Variants in GMPS observed in about 807,000 individuals in gnomAD.
GMPS encodes the protein guanosine monophosphate synthase, also known as GMP synthase [glutamine-hydrolyzing].
GMPS carries 15 observed loss-of-function variants against 77.9 expected under a neutral mutation model. The ratio of observed to expected loss-of-function variants is 0.19; its 90% CI spans 0.13 to 0.30. The LOEUF is 0.30. Among genes scored for constraint, GMPS ranks in the 10% least tolerant of loss-of-function variants. The pLI is 1.00. For synonymous variants in GMPS, 224 were observed against 275.9 expected, an observed-to-expected ratio of 0.81 and a Z score of 1.86; for missense variants, 590 against 838.8, an observed-to-expected ratio of 0.70 and a Z score of 3.66.
At chr3:155,884,600 T>A (rs1754287078) in intron 1 of GMPS, among the ~76,000 whole-genome samples, 1 of 152,090 alleles carries the variant, frequency 6.6e-6, no homozygotes, top group African/African-American at 2.4e-5. Flanking sequence ...GGTTAAAAAA[T>A]CAGATTAGAA....
In GMPS at chr3:155,937,817, A is replaced by G; in HGVS notation, c.*125A>G. Reference sequence around the variant, plus strand: ...GCTACATCACATCTGAGTTCTCCACAGCAAAAATCTACGGCTTAAGAGCTG... The same window carrying G: ...GCTACATCACATCTGAGTTCTCCACGGCAAAAATCTACGGCTTAAGAGCTG... On this transcript the variant is annotated 3_prime_UTR_variant, in exon 16 of 16. Coordinates refer to ENST00000496455, the MANE Select transcript of GMPS (RefSeq NM_003875.3). 3.3e-6 allele frequency: 2 copies of G among 603,548 alleles called. No homozygotes were observed. The highest frequency in any genetic ancestry group is 5.5e-5 in the East Asian group (2 of 36,224). 37.4% of individuals were successfully genotyped at this position (603,548 alleles called of 1,614,324 possible).
In GMPS at chr3:155,940,935, T is replaced by C. The variant is rs561854688; in HGVS notation, c.*3243T>C. On this transcript the variant is annotated 3_prime_UTR_variant, in exon 16 of 16. Coordinates refer to ENST00000496455, the MANE Select transcript of GMPS (RefSeq NM_003875.3). Reference sequence around the variant, plus strand: ...AAGTTTTCCTGGTAGGAATCTCTCTTTACTGCGTGTTTTTTTGAAAAGCTG... The same window carrying C: ...AAGTTTTCCTGGTAGGAATCTCTCTCTACTGCGTGTTTTTTTGAAAAGCTG... 11 of 210,858 alleles carry C rather than the reference T, an allele frequency of 5.2e-5. No homozygotes were observed. Among genetic ancestry groups the C allele is most frequent in the Non-Finnish European group, 9.6e-5 (10 of 103,894 alleles). 13.1% of individuals were successfully genotyped at this position (210,858 alleles called of 1,614,324 possible).
intron 11 of GMPS, 119 bp downstream of exon 11, chr3:155,922,421 G>C: frequency 2.0e-6 from 1 of 498,278 alleles, no homozygotes; most frequent in East Asian, 3.5e-5. Context: ...TATAACCTTT[G>C]AAATGACTGT....
chr3:155,919,399 C>CA (rs1577527076), intron 10 of GMPS, 61 bp downstream of exon 10: 1 of 743,248 alleles, frequency 1.3e-6, no homozygotes, highest in East Asian at 2.7e-5. Context: ...GAAGAAAAAT[C>CA]AATTCAGACA....
chr3:155,934,982 A>C lies in GMPS; in HGVS notation c.1743A>C (p.Thr581=). The C allele has an allele frequency of 1.3e-6, 2 of 1,597,720 alleles. No homozygotes were observed. Among genetic ancestry groups the C allele is most frequent in the Non-Finnish European group, 1.7e-6 (2 of 1,165,066 alleles). Residue 581 remains threonine (T), a synonymous_variant, in exon 14 of 16, where the codon ACA becomes ACC. Coordinates refer to ENST00000496455, the MANE Select transcript of GMPS (RefSeq NM_003875.3). Reference sequence around the variant, plus strand: ...CAGATGTTACTCCCACTTTCTTGACAACAGGGGTGCTCAGTACTTTACGCC... The same window carrying C: ...CAGATGTTACTCCCACTTTCTTGACCACAGGGGTGCTCAGTACTTTACGCC... ...PPTDVTPTFL[T]TGVLSTLRQA...
chr3:155,891,135 T>C (rs1754452276), intron 1 of GMPS, among the ~76,000 whole-genome samples: 1 of 152,248 alleles, frequency 6.6e-6, no homozygotes, highest in Non-Finnish European at 1.5e-5. Context: ...CTCACAGTAA[T>C]GTATGATAAC....
chr3:155,880,328 C>G (rs900849890), intron 1 of GMPS, among the ~76,000 whole-genome samples: 14 of 152,036 alleles, frequency 9.2e-5, no homozygotes, highest in African/African-American at 3.4e-4. Flanking sequence ...GATTGTTGGC[C>G]TTGTTATTGA....
chr3:155,871,775 C>T (rs1753912371), intron 1 of GMPS, among the ~76,000 whole-genome samples: 1 of 152,230 alleles, frequency 6.6e-6, no homozygotes. Context: ...GGAAAAGTTG[C>T]CGCCTTGACG....
At chr3:155,935,202 C>T (rs1025275798) in intron 14 of GMPS, among the ~76,000 whole-genome samples, 156 bp downstream of exon 14, 10 of 151,932 alleles carry the variant, frequency 6.6e-5, no homozygotes, top group East Asian at 1.9e-4. Context: ...TTTCTTGAGA[C>T]GGAGTCTGTC....
At position 155,927,788 on chromosome 3, in the gene GMPS, T is replaced by G. The variant is rs577259054; in HGVS notation, c.1560+2422T>G. On this transcript the variant is annotated intron_variant, in intron 12 of 15. Coordinates refer to ENST00000496455, the MANE Select transcript of GMPS (RefSeq NM_003875.3). ...AGAAAATAAAAGAGGGGATTTGGGGTACACATTGTCAACTTTTTTCTTTTA... is the reference window on the plus strand; with the variant it reads ...AGAAAATAAAAGAGGGGATTTGGGGGACACATTGTCAACTTTTTTCTTTTA... Among the ~76,000 whole-genome samples, 130 of 152,276 alleles carry G rather than the reference T, an allele frequency of 8.5e-4. 1 individual carries two copies. The highest frequency in any genetic ancestry group is 1.0e-3 in the Non-Finnish European group (71 of 68,018).
chr3:155,936,471 T>G lies in GMPS; in HGVS notation c.1941T>G (p.Thr647=). ...IRTFITSDFM[T]GIPATPGNEI... ...CCTTTATTACTAGTGACTTCATGAC[T>G]GGTATACCTGCAACACCTGGCAATG... The change falls in exon 15 of 16, where the codon ACT becomes ACG. Residue 647 remains threonine, a synonymous_variant. Transcript: ENST00000496455. The G allele has an allele frequency of 6.2e-7, 1 of 1,608,350 alleles. No individual in the cohort carries two copies. The highest frequency in any genetic ancestry group is 8.5e-7 in the Non-Finnish European group (1 of 1,174,750).
Position 155,943,355 on chromosome 3 carries a change from A to G in GMPS, c.*5663A>G, listed in dbSNP as rs1174127792. 5.5e-6 allele frequency: 1 copy of G among 181,374 alleles called. No individual in the cohort carries two copies. Among genetic ancestry groups the G allele is most frequent in the Admixed American group, 6.3e-5 (1 of 15,938 alleles). The allele number at this position is 181,374 out of a possible 1,614,324, so 11.2% of individuals were successfully genotyped here. ...TTGGCTATTGAGTATATTAAGTACA[A>G]CTACAAAATCCTCTGAGTTCTCCAG... On this transcript the variant is annotated 3_prime_UTR_variant, in exon 16 of 16. Transcript: ENST00000496455.
intron 7 of GMPS, among the ~76,000 whole-genome samples, chr3:155,913,629 C>A (rs1036921585): frequency 4.6e-5 from 7 of 151,282 alleles, no homozygotes; most frequent in African/African-American, 1.7e-4. Flanking sequence ...TTAAGCAATT[C>A]TCTTGCCTCA....
intron 6 of GMPS, 28 bp from the exon 7 acceptor site, chr3:155,911,086 C>T: frequency 6.5e-7 from 1 of 1,546,530 alleles, no homozygotes; most frequent in Non-Finnish European, 8.8e-7. Flanking sequence ...TTGTTTTGCT[C>T]ATTTTGATTT....
At chr3:155,877,642 A>G (rs1179070911) in intron 1 of GMPS, among the ~76,000 whole-genome samples, 1 of 152,108 alleles carries the variant, frequency 6.6e-6, no homozygotes. Context: ...GCTAAAACAA[A>G]ATACCAGAAA....
upstream of GMPS, chr3:155,870,608 T>G: frequency 2.2e-6 from 1 of 445,728 alleles, no homozygotes; most frequent in Admixed American, 4.5e-5. Context: ...GGGCTCTGGC[T>G]CCTCCCAGTG....
In GMPS at chr3:155,940,101, T is replaced by G. The variant is rs1755852952; in HGVS notation, c.*2409T>G. On this transcript the variant is annotated 3_prime_UTR_variant, in exon 16 of 16. Coordinates refer to ENST00000496455, the MANE Select transcript of GMPS (RefSeq NM_003875.3). ...TTCATCATTGGTTATTCTGGGCATA[T>G]CATGACTTTATTCCCGTTGCTTACC... 4.8e-6 allele frequency: 1 copy of G among 207,830 alleles called. No homozygotes were observed. Among genetic ancestry groups the G allele is most frequent in the Non-Finnish European group, 9.8e-6 (1 of 101,982 alleles). 12.9% of individuals were successfully genotyped at this position (207,830 alleles called of 1,614,324 possible). A position where few individuals can be genotyped will look rare whatever the true frequency, so the allele number is the denominator to read the frequency against.
At chr3:155,915,808 T>A (rs1363734383) in intron 8 of GMPS, among the ~76,000 whole-genome samples, 1 of 152,214 alleles carries the variant, frequency 6.6e-6, no homozygotes, top group Non-Finnish European at 1.5e-5. Context: ...AGTGCTGGGA[T>A]TACAGGCGTG....
chr3:155,909,137 TA>T (rs1754966966), intron 5 of GMPS, among the ~76,000 whole-genome samples: 1 of 152,216 alleles, frequency 6.6e-6, no homozygotes, highest in African/African-American at 2.4e-5. Flanking sequence ...AGGCCTGATT[TA>T]GTTACTTAAT....
Sources: allele counts gnomAD v4.1 joint callset (sites outside exome capture counted in the v4.1 genomes callset), GRCh38; gene constraint gnomAD v4.1.1; transcripts MANE v1.5; gene names NCBI Gene and HGNC (gene_info 2026-07-23, HGNC 2026-07-21).